The following SPTBN1 variants were observed in gnomAD, a reference collection of about 807,000 sequenced individuals.
The protein encoded by SPTBN1 is spectrin beta chain, non-erythrocytic 1.
A neutral mutation model predicts 266.4 loss-of-function variants in SPTBN1; 32 were observed. The ratio of observed to expected loss-of-function variants is 0.12; its 90% CI spans 0.09 to 0.16. The LOEUF (loss-of-function observed/expected upper bound fraction) is 0.16, where lower values mean the gene tolerates loss of function less well. Among genes scored for constraint, SPTBN1 ranks in the 10% least tolerant of loss-of-function variants. The pLI, the probability that SPTBN1 is intolerant of heterozygous loss-of-function variation, is 1.00. For missense variants in SPTBN1, 2,296 were observed against 3,067.1 expected (o/e 0.75, Z 5.94); for synonymous variants, 1,336 against 1,162.2 (o/e 1.15, Z -3.04).
chr2:54,480,749 G>C lies in SPTBN1; in HGVS notation c.-48+24231G>C, dbSNP rs541198981. Among the ~76,000 whole-genome samples the C allele has an allele frequency of 6.6e-5, 10 of 152,314 alleles. No homozygotes were observed. The East Asian group carries it at 1.2e-3, about 18-fold the overall frequency. ...AAAGGCCAAGATGAAAAAGAATTCA[G>C]TCTGGTTTGCCACAGCAGCAGGGAT... On this transcript the variant is annotated intron_variant, in intron 1 of 35. Transcript: ENST00000356805.
At chr2:54,463,176 AATCCTATGCG>A (rs151026373) in intron 1 of SPTBN1, among the ~76,000 whole-genome samples, 5,532 of 152,266 alleles carry the variant, frequency 0.036, 274 homozygotes, top group East Asian at 0.13. Flanking sequence ...GTGAAGGCCC[AATCCTATGCG>A]AAGCTATTTG....
At chr2:54,517,249 ATTTTATTTTTAG>A (rs1670160594) in intron 1 of SPTBN1, among the ~76,000 whole-genome samples, 1 of 151,934 alleles carries the variant, frequency 6.6e-6, no homozygotes, top group Non-Finnish European at 1.5e-5. Context: ...GGGCCTTAGA[ATTTTATTTTTAG>A]TTTACAGAAG....
At chr2:54,481,760 G>A (rs11886904) in intron 1 of SPTBN1, among the ~76,000 whole-genome samples, 4,529 of 152,230 alleles carry the variant, frequency 0.03, 228 homozygotes, top group African/African-American at 0.1. Context: ...GTGTGGATGG[G>A]TTAGCCAAGG....
intron 4 of SPTBN1, 97 bp downstream of exon 4, chr2:54,612,431 A>C: frequency 2.9e-6 from 4 of 1,368,828 alleles, no homozygotes; most frequent in Non-Finnish European, 3.9e-6. Flanking sequence ...AGGGATCGGG[A>C]AGACCAGGTT....
intron 2 of SPTBN1, among the ~76,000 whole-genome samples, chr2:54,541,169 G>A (rs1027204374): frequency 3.3e-5 from 5 of 152,126 alleles, no homozygotes; most frequent in Admixed American, 2.6e-4. Context: ...TTTATATGCC[G>A]ATTTTGGAGA....
At chr2:54,667,324 A>G (rs193032392) in intron 34 of SPTBN1, among the ~76,000 whole-genome samples, 115 of 152,284 alleles carry the variant, frequency 7.6e-4, no homozygotes, top group African/African-American at 2.6e-3. Context: ...TTTTGCCACA[A>G]TAAACCCAAA....
chr2:54,548,720 C>T (rs1230662655), intron 2 of SPTBN1, among the ~76,000 whole-genome samples: 1 of 152,208 alleles, frequency 6.6e-6, no homozygotes. Context: ...CCTCATTTCT[C>T]ATTTTTCTTA....
At position 54,670,519 on chromosome 2, in the gene SPTBN1, C is replaced by T. The variant is rs184080817; in HGVS notation, c.*1950C>T. Reference sequence around the variant, plus strand: ...TCACCATCCTCTCCCCTGCTTCCCACGACAGTCCTTTGCCCTTGCCATGCT... The same window carrying T: ...TCACCATCCTCTCCCCTGCTTCCCATGACAGTCCTTTGCCCTTGCCATGCT... On this transcript the variant is annotated 3_prime_UTR_variant, in exon 36 of 36. Transcript: ENST00000356805. The T allele has an allele frequency of 1.7e-4, 66 of 394,964 alleles. No homozygotes were observed. The highest frequency in any genetic ancestry group is 2.5e-4 in the Non-Finnish European group (56 of 224,208). 24.5% of individuals were successfully genotyped at this position (394,964 alleles called of 1,614,324 possible).
At chr2:54,642,531 T>TTG (rs1553349804) in intron 18 of SPTBN1, among the ~76,000 whole-genome samples, 22,014 of 76,412 alleles carry the variant, frequency 0.29, 1,752 homozygotes, top group Non-Finnish European at 0.35. Context: ...AATAAGTAGT[T>TTG]TTTTTTTTTT....
intron 1 of SPTBN1, among the ~76,000 whole-genome samples, chr2:54,475,859 A>G (rs1667798613): frequency 6.6e-6 from 1 of 152,178 alleles, no homozygotes; most frequent in African/African-American, 2.4e-5. Context: ...ACTACAAACA[A>G]AACTTTTGAT....
chr2:54,478,433 A>G (rs1481412252), intron 1 of SPTBN1, among the ~76,000 whole-genome samples: 2 of 152,130 alleles, frequency 1.3e-5, no homozygotes, highest in African/African-American at 4.8e-5. Context: ...CAGTGTTTTC[A>G]CATTACAGGG....
chr2:54,491,278 A>G (rs1267063113), intron 1 of SPTBN1, among the ~76,000 whole-genome samples: 4 of 152,204 alleles, frequency 2.6e-5, no homozygotes, highest in Non-Finnish European at 5.9e-5. Flanking sequence ...ATAGTAATAG[A>G]TTGTGAAAAG....
In SPTBN1 at chr2:54,587,977, G is replaced by A. The variant is rs2104608265; in HGVS notation, c.149-11115G>A. Among the ~76,000 whole-genome samples the A allele has an allele frequency of 1.3e-5, 2 of 152,282 alleles. 1 individual carries two copies. The highest frequency in any genetic ancestry group is 4.1e-4 in the South Asian group (2 of 4,820). ...AAAATTTAAAATAGTACCCAGTGTG[G>A]TGCCTTGCTCATAGCAAGCACTTAG... On this transcript the variant is annotated intron_variant, in intron 2 of 35. Transcript: ENST00000356805.
intron 1 of SPTBN1, among the ~76,000 whole-genome samples, chr2:54,500,992 A>G (rs1669233615): frequency 6.6e-6 from 1 of 152,228 alleles, no homozygotes; most frequent in Non-Finnish European, 1.5e-5. Flanking sequence ...CTGAGCAGCT[A>G]GATGACTTGT....
rs370680480 is a variant in SPTBN1, at chr2:54,629,292, A to G, written c.2158A>G (p.Ile720Val). ...FGSEKIRERIIYIREQWANLE... is the reference protein window; with the variant it reads ...FGSEKIRERIVYIREQWANLE... ...GTCGGAGAAGATCCGTGAGAGGATCATTTACATCCGGGAGCAGTGGGCCAA... is the reference window on the plus strand; with the variant it reads ...GTCGGAGAAGATCCGTGAGAGGATCGTTTACATCCGGGAGCAGTGGGCCAA... Residue 720 changes from isoleucine to valine, a missense_variant, in exon 14 of 36, where the codon ATT becomes GTT. Physicochemically the swap from Ile to Val is conservative, Grantham distance 29. Coordinates refer to ENST00000356805, the MANE Select transcript of SPTBN1 (RefSeq NM_003128.3). The G allele has an allele frequency of 2.2e-5, 35 of 1,613,958 alleles. No individual in the cohort carries two copies. Among genetic ancestry groups the G allele is most frequent in the Non-Finnish European group, 2.3e-5 (27 of 1,180,048 alleles).
chr2:54,599,283 GA>G (rs756775107), intron 3 of SPTBN1, 40 bp downstream of exon 3: 5 of 1,599,238 alleles, frequency 3.1e-6, no homozygotes, highest in Non-Finnish European at 4.3e-6. Context: ...GTTGTAGGTG[GA>G]AAATATTTTT....
intron 2 of SPTBN1, among the ~76,000 whole-genome samples, chr2:54,534,082 GC>G (rs1671449914): frequency 6.6e-6 from 1 of 152,188 alleles, no homozygotes; most frequent in Non-Finnish European, 1.5e-5. Context: ...AGGCTAGGCT[GC>G]AGGTCTCTGA....
chr2:54,585,794 C>G (rs1402238463), intron 2 of SPTBN1, among the ~76,000 whole-genome samples: 1 of 152,036 alleles, frequency 6.6e-6, no homozygotes, highest in Non-Finnish European at 1.5e-5. Flanking sequence ...TGGACTAATC[C>G]AAGATGAAAA....
At chr2:54,661,774 G>C in intron 32 of SPTBN1, 1 of 985,196 alleles carries the variant, frequency 1.0e-6, no homozygotes, top group Non-Finnish European at 1.2e-6. Context: ...TGTATCATCA[G>C]GACTGACACC....
Sources: gnomAD v4.1 joint callset for allele counts (sites outside exome capture counted in the v4.1 genomes callset) on GRCh38, gnomAD v4.1.1 for gene constraint, MANE v1.5 for transcripts, NCBI Gene and HGNC (gene_info 2026-07-23, HGNC 2026-07-21) for gene names.